Variants in PHLPP1 observed in about 807,000 individuals in gnomAD.
The protein encoded by PHLPP1 is PH domain leucine-rich repeat-containing protein phosphatase 1.
A neutral mutation model predicts 117.2 loss-of-function variants in PHLPP1; 42 were observed. The observed-to-expected ratio is 0.36, with a 90% CI of 0.28 to 0.46. The LOEUF (loss-of-function observed/expected upper bound fraction) is 0.46. Ranked by LOEUF, PHLPP1 falls within the 20% of genes least tolerant of loss-of-function variation. The pLI is 1.00. For synonymous variants in PHLPP1, 1,042 were observed against 970.7 expected (o/e 1.07, Z -1.37); for missense variants, 2,084 against 2,241.9 (o/e 0.93, Z 1.42).
chr18:62,759,259 C>G (rs1195620601), intron 1 of PHLPP1, among the ~76,000 whole-genome samples: 1 of 152,144 alleles, frequency 6.6e-6, no homozygotes, highest in Non-Finnish European at 1.5e-5. Flanking sequence ...AATTGTCTTG[C>G]AACCTCAAAA....
At chr18:62,879,266 C>T (rs1002900860) in intron 4 of PHLPP1, among the ~76,000 whole-genome samples, 3 of 152,216 alleles carry the variant, frequency 2.0e-5, no homozygotes, top group Admixed American at 6.5e-5. Flanking sequence ...CTCTCTTGCT[C>T]TTACTGCTCT....
Position 62,941,744 on chromosome 18 carries a change from A to C in PHLPP1, c.2987A>C (p.Asn996Thr). The change falls in exon 11 of 17, where the codon AAC becomes ACC. Residue 996 changes from asparagine (N) to threonine (T), a missense_variant. Physicochemically the swap from Asn to Thr is moderately conservative, Grantham distance 65. Transcript: ENST00000262719. Reference protein sequence around the residue: ...DSLRFLNASANKLESLPPATL... With the variant: ...DSLRFLNASATKLESLPPATL... ...CTGAGATTCCTGAACGCCTCTGCGAACAAACTGGAAAGCCTTCCTCCAGCC... is the reference window on the plus strand; with the variant it reads ...CTGAGATTCCTGAACGCCTCTGCGACCAAACTGGAAAGCCTTCCTCCAGCC... 1 of 1,613,526 alleles carries C rather than the reference A, an allele frequency of 6.2e-7. No homozygotes were observed. Among genetic ancestry groups the C allele is most frequent in the Non-Finnish European group, 8.5e-7 (1 of 1,179,608 alleles).
At chr18:62,919,862 TG>T in intron 9 of PHLPP1, 96 bp from the exon 10 acceptor site, 1 of 789,628 alleles carries the variant, frequency 1.3e-6, no homozygotes, top group Non-Finnish European at 2.1e-6. Flanking sequence ...AAAATGAATT[TG>T]TAGTTGCTCC....
intron 8 of PHLPP1, among the ~76,000 whole-genome samples, 163 bp from the exon 9 acceptor site, chr18:62,914,750 C>G (rs1370264670): frequency 6.6e-6 from 1 of 152,210 alleles, no homozygotes; most frequent in Non-Finnish European, 1.5e-5. Context: ...TATCACAATT[C>G]ATCTTGCTTC....
intron 1 of PHLPP1, among the ~76,000 whole-genome samples, chr18:62,717,690 C>T: frequency 6.6e-6 from 1 of 152,156 alleles, no homozygotes; most frequent in East Asian, 1.9e-4. Flanking sequence ...CTGCATTTGA[C>T]TGTCCAGTTG....
intron 4 of PHLPP1, among the ~76,000 whole-genome samples, chr18:62,864,517 A>C (rs1048130594): frequency 6.6e-6 from 1 of 152,366 alleles, no homozygotes; most frequent in African/African-American, 2.4e-5. Context: ...AGTGAGTTCC[A>C]ACAAGAGGTG....
chr18:62,960,359 A>G lies in PHLPP1; in HGVS notation c.3455+1600A>G, dbSNP rs116055940. 4.9e-3 allele frequency among the ~76,000 whole-genome samples: 745 copies of G among 152,338 alleles called. 3 individuals carry two copies. The highest frequency in any genetic ancestry group is 0.017 in the African/African-American group (711 of 41,574). ...GTAAGTCACAAGAAAAGAAATCAGT[A>G]CATGTAGATTGGTTTCAATATTTAT... On this transcript the variant is annotated intron_variant, in intron 13 of 16. Transcript: ENST00000262719.
chr18:62,876,403 T>TTTTA (rs1314653707), intron 4 of PHLPP1, among the ~76,000 whole-genome samples: 3 of 152,216 alleles, frequency 2.0e-5, no homozygotes, highest in African/African-American at 4.8e-5. Context: ...TCCTTGAAGC[T>TTTTA]TTTAGTTACT....
At chr18:62,924,486 G>A (rs1909565113) in intron 10 of PHLPP1, among the ~76,000 whole-genome samples, 1 of 151,866 alleles carries the variant, frequency 6.6e-6, no homozygotes, top group African/African-American at 2.4e-5. Context: ...CCTTTGCTCT[G>A]AATTTTGCCT....
In PHLPP1 at chr18:62,717,230, AG is replaced by A; in HGVS notation, c.1548del (p.Ile517LeufsTer38). Reference protein sequence around the residue: ...WRVQEEGMDSEIGCLIRFYAG... With the variant: ...WRVQEEGMDSXIGCLIRFYAG... ...GTGCAGGAGGAAGGCATGGACTCGG[AG>A]ATTGGCTGCCTCATCCGCTTCTATG... On this transcript the variant is annotated frameshift_variant, in exon 1 of 17. Coordinates refer to ENST00000262719, the MANE Select transcript of PHLPP1 (RefSeq NM_194449.4). LOFTEE classifies it high-confidence loss of function. 6.2e-7 allele frequency: 1 copy of A among 1,600,234 alleles called. No individual in the cohort carries two copies. Among genetic ancestry groups the A allele is most frequent in the Non-Finnish European group, 8.5e-7 (1 of 1,171,304 alleles).
intron 14 of PHLPP1, among the ~76,000 whole-genome samples, chr18:62,969,099 G>T (rs966620317): frequency 1.9e-4 from 29 of 151,932 alleles, no homozygotes; most frequent in Non-Finnish European, 2.8e-4. Flanking sequence ...AAGAGACAGG[G>T]TCTTGTTCTG....
chr18:62,763,572 T>C (rs569180316), intron 1 of PHLPP1, among the ~76,000 whole-genome samples: 7 of 152,320 alleles, frequency 4.6e-5, no homozygotes, highest in Middle Eastern at 6.8e-3. Flanking sequence ...ACTCCGAGAC[T>C]GCTACACAGC....
chr18:62,761,076 A>G (rs1232314892), intron 1 of PHLPP1, among the ~76,000 whole-genome samples: 1 of 151,640 alleles, frequency 6.6e-6, no homozygotes, highest in African/African-American at 2.4e-5. Flanking sequence ...TGTTGCCCAG[A>G]CTGGTCTTGA....
intron 1 of PHLPP1, among the ~76,000 whole-genome samples, chr18:62,802,708 C>T (rs1230181120): frequency 6.6e-6 from 1 of 152,020 alleles, no homozygotes; most frequent in African/African-American, 2.4e-5. Context: ...TGTGTGAAAA[C>T]ACCGAGAATG....
intron 10 of PHLPP1, among the ~76,000 whole-genome samples, chr18:62,937,071 A>G (rs1172576660): frequency 1.3e-5 from 2 of 152,354 alleles, no homozygotes; most frequent in East Asian, 1.9e-4. Context: ...TGGTATGTCT[A>G]CAAATAGATA....
chr18:62,834,457 C>A (rs1232124949), intron 2 of PHLPP1, among the ~76,000 whole-genome samples: 5 of 152,096 alleles, frequency 3.3e-5, no homozygotes, highest in Admixed American at 2.0e-4. Context: ...GCATAGGGGA[C>A]AATGAAGAAC....
chr18:62,895,460 G>A (rs572153610), intron 5 of PHLPP1, among the ~76,000 whole-genome samples: 1 of 152,304 alleles, frequency 6.6e-6, no homozygotes, highest in South Asian at 2.1e-4. Flanking sequence ...TTAAGACTTA[G>A]AAATTAATTT....
chr18:62,953,069 T>C (rs1910510037), intron 12 of PHLPP1, among the ~76,000 whole-genome samples: 2 of 152,238 alleles, frequency 1.3e-5, no homozygotes, highest in Non-Finnish European at 2.9e-5. Flanking sequence ...CTTAGCCTTT[T>C]ATAACACCAG....
intron 3 of PHLPP1, among the ~76,000 whole-genome samples, chr18:62,845,428 G>A (rs1208159245): frequency 1.3e-5 from 2 of 152,084 alleles, no homozygotes; most frequent in Non-Finnish European, 2.9e-5. Context: ...GAAATGATGA[G>A]CAAACATCAC....
Sources: allele counts gnomAD v4.1 joint callset (sites outside exome capture counted in the v4.1 genomes callset), GRCh38; gene constraint gnomAD v4.1.1; transcripts MANE v1.5; gene names NCBI Gene and HGNC (gene_info 2026-07-23, HGNC 2026-07-21).